The following MBD5 variants were observed in gnomAD, a reference collection of about 807,000 sequenced individuals.
MBD5 encodes the protein methyl-CpG binding domain protein 5.
MBD5 carries 13 observed loss-of-function variants against 117.3 expected under a neutral mutation model. The observed-to-expected ratio is 0.11, with a 90% CI of 0.07 to 0.18. MBD5 has a LOEUF of 0.18. Ranked by LOEUF, MBD5 falls within the 10% of genes least tolerant of loss-of-function variation. The probability of loss-of-function intolerance (pLI) is 1.00; values close to 1 mark genes in which losing one functional copy is unlikely to be tolerated. For synonymous variants in MBD5, 727 were observed against 766.4 expected (o/e 0.95, Z 0.85); for missense variants, 1,879 against 2,093.8 (o/e 0.90, Z 2.00).
intron 4 of MBD5, among the ~76,000 whole-genome samples, chr2:148,428,078 T>C (rs558771872): frequency 6.6e-6 from 1 of 152,348 alleles, no homozygotes; most frequent in Non-Finnish European, 1.5e-5. Flanking sequence ...GATGACATGA[T>C]TGTGTATTTA....
At chr2:148,369,909 T>G (rs1028528360) in intron 4 of MBD5, among the ~76,000 whole-genome samples, 1 of 152,142 alleles carries the variant, frequency 6.6e-6, no homozygotes, top group Non-Finnish European at 1.5e-5. Flanking sequence ...GATAGCTATT[T>G]CAAAACACAT....
intron 3 of MBD5, chr2:148,260,794 T>G (rs370040323): frequency 2.2e-4 from 33 of 152,836 alleles, no homozygotes; most frequent in Non-Finnish European, 4.1e-4. Flanking sequence ...AAGGAAACAC[T>G]GTGTATGGCA....
At chr2:148,463,613 A>T in intron 6 of MBD5, 126 bp from the exon 7 acceptor site, 2 of 1,199,020 alleles carry the variant, frequency 1.7e-6, no homozygotes, top group South Asian at 2.7e-5. Flanking sequence ...GCCTTTCTTA[A>T]AAACTTGAGA....
At chr2:148,402,290 GT>G (rs1171721325) in intron 4 of MBD5, among the ~76,000 whole-genome samples, 2 of 152,008 alleles carry the variant, frequency 1.3e-5, no homozygotes, top group Admixed American at 6.6e-5. Flanking sequence ...TTATAACAGA[GT>G]TTTTTTATTT....
At chr2:148,237,394 T>C (rs949956986) in intron 3 of MBD5, among the ~76,000 whole-genome samples, 1 of 152,206 alleles carries the variant, frequency 6.6e-6, no homozygotes, top group South Asian at 2.1e-4. Flanking sequence ...CTTCCTTTCA[T>C]GTGAACACTT....
chr2:148,224,155 A>G (rs1020997875), intron 2 of MBD5, among the ~76,000 whole-genome samples: 5 of 152,098 alleles, frequency 3.3e-5, no homozygotes, highest in African/African-American at 1.2e-4. Flanking sequence ...TCTCTTGAGA[A>G]TCATCCATGT....
intron 1 of MBD5, among the ~76,000 whole-genome samples, chr2:148,094,633 A>T (rs1482943928): frequency 6.6e-6 from 1 of 152,208 alleles, no homozygotes; most frequent in Non-Finnish European, 1.5e-5. Flanking sequence ...CCAGGGTGTT[A>T]TCTGTATTGA....
At chr2:148,326,971 G>T (rs1165082692) in intron 3 of MBD5, among the ~76,000 whole-genome samples, 1 of 151,508 alleles carries the variant, frequency 6.6e-6, no homozygotes, top group Non-Finnish European at 1.5e-5. Flanking sequence ...GCAGCGGCTG[G>T]TACCGGTTGT....
At chr2:148,209,069 T>C (rs1245752295) in intron 2 of MBD5, among the ~76,000 whole-genome samples, 2 of 152,200 alleles carry the variant, frequency 1.3e-5, no homozygotes, top group Admixed American at 6.5e-5. Flanking sequence ...ATTGTAACTT[T>C]TTCATTTTGA....
At chr2:148,046,711 G>A (rs1336452049) in intron 1 of MBD5, among the ~76,000 whole-genome samples, 2 of 152,142 alleles carry the variant, frequency 1.3e-5, no homozygotes, top group African/African-American at 2.4e-5. Context: ...CTTGACTAGA[G>A]AATGGTAGTA....
At chr2:148,134,250 C>T (rs549305063) in intron 1 of MBD5, among the ~76,000 whole-genome samples, 4 of 151,802 alleles carry the variant, frequency 2.6e-5, no homozygotes, top group South Asian at 2.1e-4. Flanking sequence ...ATCGATCTAC[C>T]GATAGAAAGT....
At chr2:148,421,363 G>A (rs114792981) in intron 4 of MBD5, among the ~76,000 whole-genome samples, 5,469 of 152,192 alleles carry the variant, frequency 0.036, 119 homozygotes, top group Non-Finnish European at 0.055. Context: ...AGCCATGAGG[G>A]GCTGTGCCAT....
chr2:148,293,370 T>C (rs996878706), intron 3 of MBD5, among the ~76,000 whole-genome samples: 7 of 152,078 alleles, frequency 4.6e-5, no homozygotes, highest in Non-Finnish European at 8.8e-5. Flanking sequence ...AATTTAATTG[T>C]ATATTTTAAA....
At chr2:148,461,134 T>C (rs924293054) in intron 5 of MBD5, among the ~76,000 whole-genome samples, 2 of 152,158 alleles carry the variant, frequency 1.3e-5, no homozygotes, top group Admixed American at 6.6e-5. Flanking sequence ...GGTTTCACCA[T>C]GTTGGCCAGG....
At chr2:148,090,960 A>G (rs568614784) in intron 1 of MBD5, among the ~76,000 whole-genome samples, 1 of 152,136 alleles carries the variant, frequency 6.6e-6, no homozygotes, top group Non-Finnish European at 1.5e-5. Flanking sequence ...GATATGATAA[A>G]TGAATTCAGT....
Position 148,375,979 on chromosome 2 carries a change from A to G in MBD5, c.-557+33643A>G, listed in dbSNP as rs73965367. Among the ~76,000 whole-genome samples, 1,350 of 151,796 alleles carry G rather than the reference A, an allele frequency of 8.9e-3. 17 individuals are homozygous for G. Among genetic ancestry groups the G allele is most frequent in the African/African-American group, 0.031 (1,285 of 41,346 alleles). On this transcript the variant is annotated intron_variant, in intron 4 of 13. Transcript: ENST00000642680. ...TTAGCACTATTGACATTTTAAAGTG[A>G]ATAATTCTTTGTTATTGGGGCTTTC...
At chr2:148,438,978 G>C (rs1706235920) in intron 4 of MBD5, among the ~76,000 whole-genome samples, 1 of 152,122 alleles carries the variant, frequency 6.6e-6, no homozygotes, top group African/African-American at 2.4e-5. Context: ...ACTTAACCTA[G>C]TCAAGTTAAC....
chr2:148,328,903 T>G (rs1488234945), intron 3 of MBD5, among the ~76,000 whole-genome samples: 1 of 152,214 alleles, frequency 6.6e-6, no homozygotes, highest in Non-Finnish European at 1.5e-5. Context: ...TTAATTAAAG[T>G]TATCTTTAAT....
intron 4 of MBD5, among the ~76,000 whole-genome samples, chr2:148,410,407 A>G (rs1705214840): frequency 6.6e-6 from 1 of 151,806 alleles, no homozygotes; most frequent in Non-Finnish European, 1.5e-5. Flanking sequence ...ATTGGTTTGT[A>G]GGTGTTCTTT....
Sources: allele counts gnomAD v4.1 joint callset (sites outside exome capture counted in the v4.1 genomes callset), GRCh38; gene constraint gnomAD v4.1.1; transcripts MANE v1.5; gene names NCBI Gene and HGNC (gene_info 2026-07-23, HGNC 2026-07-21).